Variants in C1orf116 observed in about 807,000 individuals in gnomAD.
The protein encoded by C1orf116 is specifically androgen-regulated gene protein.
Under a neutral mutation model 14.1 loss-of-function variants are expected in C1orf116, and 12 were observed. That is an observed-to-expected ratio of 0.85 (90% CI 0.54 to 1.38). The LOEUF is 1.38. Ranked by LOEUF, C1orf116 falls within the 40% of genes most tolerant of loss-of-function variation. C1orf116 has a pLI of 0.00. For missense variants in C1orf116, 797 were observed against 747.0 expected, an observed-to-expected ratio of 1.07 and a Z score of -0.78; for synonymous variants, 296 against 299.0, an observed-to-expected ratio of 0.99 and a Z score of 0.10.
intron 1 of C1orf116, among the ~76,000 whole-genome samples, chr1:207,029,001 G>A (rs574317512): frequency 7.7e-4 from 117 of 152,290 alleles, no homozygotes; most frequent in African/African-American, 2.7e-3. Context: ...TTGAGATCTG[G>A]AGGCTTGGGC....
chr1:207,022,146 C>T lies in C1orf116; in HGVS notation c.1618G>A (p.Ala540Thr), dbSNP rs1431892170. Reference protein sequence around the residue: ...PASLGTGKDFAGIQVGKLADL... With the variant: ...PASLGTGKDFTGIQVGKLADL... ...GCCAGCTTGCCTACCTGGATACCTG[C>T]AAAATCTTTCCCCGTGCCCAGGGAG... Residue 540 changes from alanine (A) to threonine (T), a missense_variant, in exon 4 of 4, where the codon GCA becomes ACA. Ala to Thr is a moderately conservative substitution (Grantham distance 58). Transcript: ENST00000359470. 1 of 1,613,084 alleles carries T rather than the reference C, an allele frequency of 6.2e-7. No homozygotes were observed. Among genetic ancestry groups the T allele is most frequent in the Admixed American group, 1.7e-5 (1 of 59,986 alleles).
chr1:207,022,281 G>A lies in C1orf116; in HGVS notation c.1483C>T (p.Leu495Phe), dbSNP rs774478480. Reference protein sequence around the residue: ...ERSGVGLSSYLSTEKDASPKT... With the variant: ...ERSGVGLSSYFSTEKDASPKT... ...GGGCTGGCATCTTTCTCAGTTGAAA[G>A]GTAGCTGCTCAGTCCCACGCCTGAG... is the stretch of plus-strand genomic sequence containing the variant. The change falls in exon 4 of 4, where the codon CTT becomes TTT. Residue 495 changes from leucine to phenylalanine, a missense_variant. Leu to Phe is a conservative substitution (Grantham distance 22). Coordinates refer to ENST00000359470, the MANE Select transcript of C1orf116 (RefSeq NM_023938.6). 1.9e-6 allele frequency: 3 copies of A among 1,613,616 alleles called. No homozygotes were observed. The African/African-American group carries it at 4.0e-5, about 22-fold the overall frequency.
chr1:207,025,542 A>G (rs190683275), intron 2 of C1orf116, among the ~76,000 whole-genome samples: 2 of 152,348 alleles, frequency 1.3e-5, no homozygotes, highest in East Asian at 1.9e-4. Flanking sequence ...TTAACTTTTA[A>G]AAGTACTTCT....
In C1orf116 at chr1:207,021,820, A is replaced by G; in HGVS notation, c.*138T>C. 1 of 812,234 alleles carries G rather than the reference A, an allele frequency of 1.2e-6. No individual in the cohort carries two copies. The highest frequency in any genetic ancestry group is 2.6e-5 in the East Asian group (1 of 37,912). 50.3% of individuals were successfully genotyped at this position (812,234 alleles called of 1,614,324 possible). Reference sequence around the variant, plus strand: ...ATGGGAACTCAATGGCACAACACTGAATATAAATGTATGCTTGGACTCAAA... The same window carrying G: ...ATGGGAACTCAATGGCACAACACTGGATATAAATGTATGCTTGGACTCAAA... On this transcript the variant is annotated 3_prime_UTR_variant, in exon 4 of 4. Transcript: ENST00000359470.
chr1:207,020,895 G>T lies in C1orf116; in HGVS notation c.*1063C>A, dbSNP rs1316312144. 1 of 152,186 alleles carries T rather than the reference G, an allele frequency of 6.6e-6. No individual in the cohort carries two copies. The highest frequency in any genetic ancestry group is 1.5e-5 in the Non-Finnish European group (1 of 68,028). The allele number at this position is 152,186 out of a possible 1,614,324, so 9.4% of individuals were successfully genotyped here. A position where few individuals can be genotyped will look rare whatever the true frequency, so the allele number is the denominator to read the frequency against. On this transcript the variant is annotated 3_prime_UTR_variant, in exon 4 of 4. Transcript: ENST00000359470. ...TCCCTAAATGGCAGGCTGACCCGGG[G>T]TTAGTCACTTCCCTTCCCCAGCAGC...
At chr1:207,030,415 C>A (rs928991492) in intron 1 of C1orf116, among the ~76,000 whole-genome samples, 1 of 152,188 alleles carries the variant, frequency 6.6e-6, no homozygotes, top group Admixed American at 6.5e-5. Context: ...CCTTCTACTT[C>A]ATACCTTAAA....
intron 1 of C1orf116, among the ~76,000 whole-genome samples, chr1:207,031,920 A>C: frequency 6.6e-6 from 1 of 152,232 alleles, no homozygotes; most frequent in East Asian, 1.9e-4. Flanking sequence ...TTAATTGAGT[A>C]GAATCCAAAT....
rs930790539 is a variant in C1orf116, at chr1:207,019,338, C to G, written c.*2620G>C. On this transcript the variant is annotated 3_prime_UTR_variant, in exon 4 of 4. Transcript: ENST00000359470. The stretch of plus-strand genomic sequence containing the variant: ...GCAGGTGGCTTGTGCCCAGTGGCAT[C>G]AAGGCTATGGCAGGGTATAGCAGAG... The G allele has an allele frequency of 6.6e-6, 1 of 152,246 alleles. No homozygotes were observed. The highest frequency in any genetic ancestry group is 1.5e-5 in the Non-Finnish European group (1 of 68,052). 9.4% of individuals were successfully genotyped at this position (152,246 alleles called of 1,614,324 possible). A position where few individuals can be genotyped will look rare whatever the true frequency, so the allele number is the denominator to read the frequency against.
chr1:207,029,431 C>A (rs1682180156), intron 1 of C1orf116, among the ~76,000 whole-genome samples: 1 of 152,138 alleles, frequency 6.6e-6, no homozygotes, highest in Non-Finnish European at 1.5e-5. Context: ...GAAGTTCAGT[C>A]ATCTCAGCTA....
rs1450543636 is a variant in C1orf116, at chr1:207,022,755, A to T, written c.1009T>A (p.Ser337Thr). 4 of 1,614,056 alleles carry T rather than the reference A, an allele frequency of 2.5e-6. No individual in the cohort carries two copies. Among genetic ancestry groups the T allele is most frequent in the Non-Finnish European group, 3.4e-6 (4 of 1,180,042 alleles). The change falls in exon 4 of 4, where the codon TCC becomes ACC. Residue 337 changes from serine (S) to threonine (T), a missense_variant. Coordinates refer to ENST00000359470, the MANE Select transcript of C1orf116 (RefSeq NM_023938.6). Reference protein sequence around the residue: ...EAAPGDSGLISCSLQEQRKAR... With the variant: ...EAAPGDSGLITCSLQEQRKAR... ...TTTCTCTGCTCTTGCAGTGAACAGG[A>T]GATCAGGCCAGAATCTCCAGGGGCA...
chr1:207,028,811 A>C (rs1682159850), intron 1 of C1orf116, among the ~76,000 whole-genome samples: 1 of 152,260 alleles, frequency 6.6e-6, no homozygotes, highest in Admixed American at 6.5e-5. Context: ...AAATTCTAAA[A>C]GAATTAAGAT....
chr1:207,023,478 C>A lies in C1orf116; in HGVS notation c.286G>T (p.Gly96Cys), dbSNP rs1681957454. 1.9e-6 allele frequency: 3 copies of A among 1,603,540 alleles called. No homozygotes were observed. Among genetic ancestry groups the A allele is most frequent in the Middle Eastern group, 1.7e-4 (1 of 5,994 alleles). The change falls in exon 4 of 4, where the codon GGT becomes TGT. Residue 96 changes from glycine (G) to cysteine (C), a missense_variant and splice_region_variant. By Grantham distance (159) the Gly-to-Cys change is radical. Transcript: ENST00000359470. ...LPITQPTPRGGPEETITQQGR... is the reference protein window; with the variant it reads ...LPITQPTPRGCPEETITQQGR... ...TGCTGAGTGATGGTCTCCTCTGGAC[C>A]TCCTGTGAGGGTCAGAAAGAACATA...
At position 207,022,214 on chromosome 1, in the gene C1orf116, T is replaced by G. The variant is rs1317619748; in HGVS notation, c.1550A>C (p.Lys517Thr). The change falls in exon 4 of 4, where the codon AAG becomes ACG. Residue 517 changes from lysine (K) to threonine (T), a missense_variant. Coordinates refer to ENST00000359470, the MANE Select transcript of C1orf116 (RefSeq NM_023938.6). ...ATTACGTAAGACACTGGGCGAGATC[T>G]TGTCCAAGAAGGAGCCCTTTCCCAG... ...TSLGKGSFLD[K>T]ISPSVLRNSR... is the part of the protein sequence containing the mutation. The G allele has an allele frequency of 6.2e-7, 1 of 1,613,958 alleles. No individual in the cohort carries two copies. The highest frequency in any genetic ancestry group is 1.3e-5 in the African/African-American group (1 of 74,938).
chr1:207,026,260 C>G (rs11120077), intron 2 of C1orf116, among the ~76,000 whole-genome samples: 14,254 of 152,226 alleles, frequency 0.094, 2,153 homozygotes, highest in African/African-American at 0.32. Context: ...CATGTTAAAG[C>G]AAGCCCCAAA....
At chr1:207,031,602 C>A (rs1002645275) in intron 1 of C1orf116, among the ~76,000 whole-genome samples, 10 of 152,194 alleles carry the variant, frequency 6.6e-5, no homozygotes, top group Non-Finnish European at 1.3e-4. Flanking sequence ...AGGGTTAAAC[C>A]CCCCAAGATG....
intron 1 of C1orf116, among the ~76,000 whole-genome samples, chr1:207,031,869 T>C (rs1682256305): frequency 6.6e-6 from 1 of 152,228 alleles, no homozygotes; most frequent in Admixed American, 6.5e-5. Flanking sequence ...TAGCTTTCTG[T>C]TTGCCAGTCT....
intron 1 of C1orf116, among the ~76,000 whole-genome samples, chr1:207,030,822 A>C (rs530404319): frequency 6.6e-6 from 1 of 152,360 alleles, no homozygotes; most frequent in South Asian, 2.1e-4. Flanking sequence ...GAATGGGTTA[A>C]GAAATATGCA....
At position 207,021,995 on chromosome 1, in the gene C1orf116, C is replaced by A. The variant is rs771380493; in HGVS notation, c.1769G>T (p.Arg590Met). 6.5e-7 allele frequency: 1 copy of A among 1,548,166 alleles called. No homozygotes were observed. Among genetic ancestry groups the A allele is most frequent in the African/African-American group, 1.4e-5 (1 of 72,606 alleles). ...SPKGVPNEHR[R>M]EALKKLGLLK... ...CAGTCCCAGCTTCTTCAGGGCCTCC[C>A]TTCTGTGTTCATTGGGGACACCCTT... Residue 590 changes from arginine (R) to methionine (M), a missense_variant, in exon 4 of 4, where the codon AGG becomes ATG. Arg to Met is a moderately conservative substitution (Grantham distance 91). Transcript: ENST00000359470.
At chr1:207,032,436 G>A in intron 1 of C1orf116, 143 bp downstream of exon 1, 1 of 472,512 alleles carries the variant, frequency 2.1e-6, no homozygotes, top group South Asian at 9.1e-5. Flanking sequence ...TCCCAGAATG[G>A]ACTCAGAGAA....
Sources: gnomAD v4.1 joint callset for allele counts (sites outside exome capture counted in the v4.1 genomes callset) on GRCh38, gnomAD v4.1.1 for gene constraint, MANE v1.5 for transcripts, NCBI Gene and HGNC (gene_info 2026-07-23, HGNC 2026-07-21) for gene names.